ZNF385B: variants seen among roughly 807,000 people sequenced by gnomAD.
ZNF385B encodes zinc finger protein 385B.
A neutral mutation model predicts 39.2 loss-of-function variants in ZNF385B; 23 were observed. The ratio of observed to expected loss-of-function variants is 0.59; its 90% CI spans 0.42 to 0.83. The LOEUF (loss-of-function observed/expected upper bound fraction) is 0.83. Among genes scored for constraint, ZNF385B ranks in the 40% least tolerant of loss-of-function variants. The pLI, the probability that ZNF385B is intolerant of heterozygous loss-of-function variation, is 0.00. For synonymous variants in ZNF385B, 205 were observed against 222.6 expected, an observed-to-expected ratio of 0.92 and a Z score of 0.70; for missense variants, 552 against 598.9, an observed-to-expected ratio of 0.92 and a Z score of 0.82.
intron 1 of ZNF385B, among the ~76,000 whole-genome samples, chr2:179,835,553 CT>C (rs1708203772): frequency 6.6e-6 from 1 of 152,160 alleles, no homozygotes; most frequent in African/African-American, 2.4e-5. Flanking sequence ...GAATACGACG[CT>C]TGCTAACATT....
At chr2:179,558,489 C>T (rs191679731) in intron 3 of ZNF385B, among the ~76,000 whole-genome samples, 1 of 152,140 alleles carries the variant, frequency 6.6e-6, no homozygotes, top group African/African-American at 2.4e-5. Context: ...ATTTGCTCTG[C>T]TAGTGCTTTC....
intron 3 of ZNF385B, among the ~76,000 whole-genome samples, chr2:179,722,786 T>C (rs1189838538): frequency 1.3e-5 from 2 of 152,128 alleles, no homozygotes; most frequent in Admixed American, 1.3e-4. Flanking sequence ...ACCCAAGCCA[T>C]TCCACGTGAG....
intron 5 of ZNF385B, among the ~76,000 whole-genome samples, chr2:179,515,075 G>A (rs186353040): frequency 1.4e-4 from 21 of 152,288 alleles, no homozygotes; most frequent in African/African-American, 4.6e-4. Flanking sequence ...ATTGCACCCA[G>A]CCTCAATATG....
At chr2:179,781,013 C>A (rs945872285) in intron 1 of ZNF385B, among the ~76,000 whole-genome samples, 7 of 152,176 alleles carry the variant, frequency 4.6e-5, no homozygotes, top group Middle Eastern at 3.2e-3. Flanking sequence ...CATGTGGTCA[C>A]CCTATGCTCA....
intron 1 of ZNF385B, among the ~76,000 whole-genome samples, chr2:179,805,176 A>G (rs1706274013): frequency 6.6e-6 from 1 of 152,178 alleles, no homozygotes; most frequent in Non-Finnish European, 1.5e-5. Context: ...AAACCATGCC[A>G]TATGGAGAGG....
intron 3 of ZNF385B, among the ~76,000 whole-genome samples, chr2:179,728,427 A>G (rs766750021): frequency 6.6e-6 from 1 of 152,136 alleles, no homozygotes; most frequent in Non-Finnish European, 1.5e-5. Flanking sequence ...TACTGAAGGT[A>G]TCAAAATCCA....
chr2:179,511,118 A>T (rs1303002220), intron 5 of ZNF385B, among the ~76,000 whole-genome samples: 2 of 152,166 alleles, frequency 1.3e-5, no homozygotes, highest in African/African-American at 4.8e-5. Flanking sequence ...TGCTGCAGGG[A>T]CTTGCTGCCT....
At chr2:179,694,754 A>G (rs1284784250) in intron 3 of ZNF385B, among the ~76,000 whole-genome samples, 1 of 152,058 alleles carries the variant, frequency 6.6e-6, no homozygotes, top group East Asian at 1.9e-4. Context: ...ACATGGCAAA[A>G]CCCCATCTCT....
chr2:179,788,331 T>G (rs1003433064), intron 1 of ZNF385B, among the ~76,000 whole-genome samples: 3 of 152,168 alleles, frequency 2.0e-5, no homozygotes, highest in African/African-American at 7.2e-5. Flanking sequence ...CCCCTTGCAG[T>G]TACCCTATTA....
chr2:179,500,164 C>T (rs192868508), intron 5 of ZNF385B, among the ~76,000 whole-genome samples: 2 of 152,108 alleles, frequency 1.3e-5, no homozygotes, highest in Admixed American at 6.5e-5. Flanking sequence ...ATTCCATGTT[C>T]ATGGATTGGA....
intron 1 of ZNF385B, among the ~76,000 whole-genome samples, chr2:179,797,369 A>T (rs1048980043): frequency 6.6e-6 from 1 of 152,216 alleles, no homozygotes; most frequent in African/African-American, 2.4e-5. Context: ...TAAAAGATGT[A>T]AATTAAAAAA....
chr2:179,828,430 T>C (rs1305455110), intron 1 of ZNF385B, among the ~76,000 whole-genome samples: 1 of 152,204 alleles, frequency 6.6e-6, no homozygotes, highest in East Asian at 1.9e-4. Context: ...AATAATGGCC[T>C]GTATTTGAAA....
At chr2:179,860,570 A>G (rs1261221593) in intron 1 of ZNF385B, among the ~76,000 whole-genome samples, 2 of 151,842 alleles carry the variant, frequency 1.3e-5, no homozygotes, top group South Asian at 4.2e-4. Context: ...AACTTCGGGG[A>G]CCTTCTCTCT....
chr2:179,608,842 CTGTGTGTG>C (rs60633100), intron 3 of ZNF385B, among the ~76,000 whole-genome samples: 18,383 of 134,354 alleles, frequency 0.14, 1,262 homozygotes, highest in Admixed American at 0.2. Context: ...AGGGCCAAGA[CTGTGTGTG>C]TGTGTGTGTG....
At chr2:179,750,114 G>A (rs186916861) in intron 3 of ZNF385B, among the ~76,000 whole-genome samples, 166 of 152,234 alleles carry the variant, frequency 1.1e-3, no homozygotes, top group African/African-American at 2.2e-3. Flanking sequence ...GTTCTATAAT[G>A]ACTTTGCCAA....
At chr2:179,698,409 T>A (rs955663121) in intron 3 of ZNF385B, among the ~76,000 whole-genome samples, 1 of 152,202 alleles carries the variant, frequency 6.6e-6, no homozygotes, top group African/African-American at 2.4e-5. Flanking sequence ...AGAAGGCAAT[T>A]ATTATTTATC....
At chr2:179,465,476 T>G (rs908482115) in intron 6 of ZNF385B, among the ~76,000 whole-genome samples, 1 of 152,198 alleles carries the variant, frequency 6.6e-6, no homozygotes, top group Admixed American at 6.6e-5. Flanking sequence ...TGATACTGAA[T>G]GTATAAGCTG....
intron 5 of ZNF385B, among the ~76,000 whole-genome samples, chr2:179,508,185 A>C (rs2057395443): frequency 6.6e-6 from 1 of 152,230 alleles, no homozygotes; most frequent in Admixed American, 6.5e-5. Context: ...AAGACAAGCT[A>C]CAGCAAACCA....
intron 3 of ZNF385B, among the ~76,000 whole-genome samples, chr2:179,752,217 G>A (rs536448305): frequency 6.6e-6 from 1 of 152,222 alleles, no homozygotes; most frequent in South Asian, 2.1e-4. Context: ...AGTTTGCTGA[G>A]AATGATGGTT....
Sources: allele counts gnomAD v4.1 joint callset (sites outside exome capture counted in the v4.1 genomes callset), GRCh38; gene constraint gnomAD v4.1.1; transcripts MANE v1.5; gene names NCBI Gene and HGNC (gene_info 2026-07-23, HGNC 2026-07-21).